Variants in SLC4A8 observed in about 807,000 individuals in gnomAD.
SLC4A8 encodes electroneutral sodium bicarbonate exchanger 1.
SLC4A8 carries 40 observed loss-of-function variants against 125.0 expected under a neutral mutation model. The observed-to-expected ratio is 0.32, with a 90% CI of 0.25 to 0.42. SLC4A8 has a LOEUF of 0.42. Among genes scored for constraint, SLC4A8 ranks in the 10% least tolerant of loss-of-function variants. SLC4A8 has a pLI of 1.00. For missense variants in SLC4A8, 863 were observed against 1,355.1 expected, an observed-to-expected ratio of 0.64 and a Z score of 5.70; for synonymous variants, 456 against 476.0, an observed-to-expected ratio of 0.96 and a Z score of 0.55.
chr12:51,471,692 A>G (rs1318758793), intron 14 of SLC4A8, 160 bp downstream of exon 14: 2 of 725,186 alleles, frequency 2.8e-6, no homozygotes, highest in Non-Finnish European at 4.5e-6. Flanking sequence ...GAGGGCTGCC[A>G]GAGGAGAACA....
intron 11 of SLC4A8, among the ~76,000 whole-genome samples, chr12:51,468,076 T>C (rs1418443187): frequency 6.6e-6 from 1 of 152,220 alleles, no homozygotes; most frequent in Non-Finnish European, 1.5e-5. Context: ...TTCTATGCCA[T>C]TTATTGGTAG....
intron 22 of SLC4A8, chr12:51,501,718 T>C (rs1032630602): frequency 6.6e-6 from 1 of 152,252 alleles, no homozygotes. Flanking sequence ...TTTAGTTCTT[T>C]GAGAAATCTC....
intron 20 of SLC4A8, chr12:51,494,413 C>CTTTTTTTT (rs11363276): frequency 2.3e-5 from 3 of 132,954 alleles, no homozygotes; most frequent in South Asian, 2.4e-4. Flanking sequence ...TCTTTTTTTT[C>CTTTTTTTT]TTTTTTTTTT....
chr12:51,494,909 C>A, intron 20 of SLC4A8, 36 bp from the exon 21 acceptor site: 1 of 1,591,186 alleles, frequency 6.3e-7, no homozygotes, highest in Non-Finnish European at 8.6e-7. Context: ...ACCCAGAATG[C>A]CCTCCTGAAA....
intron 1 of SLC4A8, among the ~76,000 whole-genome samples, chr12:51,440,367 A>G (rs772126264): frequency 6.6e-6 from 1 of 150,602 alleles, no homozygotes; most frequent in Non-Finnish European, 1.5e-5. Context: ...GTGAGCTATG[A>G]TTGTATCACT....
Position 51,457,557 on chromosome 12 carries a change from T to C in SLC4A8, c.763+18T>C. ...TAAACATGGTAAGATTATTAGGTGA[T>C]TTTTCTCTCTTTATTAATAAGACAT... On this transcript the variant is annotated intron_variant, in intron 6 of 24. Coordinates refer to ENST00000453097, the MANE Select transcript of SLC4A8 (RefSeq NM_001039960.3). 6.3e-7 allele frequency: 1 copy of C among 1,598,964 alleles called. No homozygotes were observed. The highest frequency in any genetic ancestry group is 2.2e-5 in the East Asian group (1 of 44,730).
chr12:51,391,608 G>T (rs1948111667), intron 1 of SLC4A8: 1 of 140,904 alleles, frequency 7.1e-6, no homozygotes, highest in Non-Finnish European at 1.6e-5. Flanking sequence ...TACCTGTCGC[G>T]CCGAGGCAAA....
At chr12:51,396,631 G>A (rs549608101) in intron 1 of SLC4A8, among the ~76,000 whole-genome samples, 60 of 151,120 alleles carry the variant, frequency 4.0e-4, no homozygotes, top group African/African-American at 1.4e-3. Flanking sequence ...TCACTTGAGC[G>A]CAGGAGTTTA....
chr12:51,480,391 T>G, intron 16 of SLC4A8: 1 of 1,139,166 alleles, frequency 8.8e-7, no homozygotes, highest in Non-Finnish European at 1.1e-6. Flanking sequence ...TACACATGTG[T>G]GCAGGCAATA....
At chr12:51,402,004 G>A (rs1948403178) in intron 1 of SLC4A8, among the ~76,000 whole-genome samples, 1 of 152,102 alleles carries the variant, frequency 6.6e-6, no homozygotes. Context: ...CTGAGCTTAA[G>A]TGATCCTCCT....
intron 16 of SLC4A8, among the ~76,000 whole-genome samples, chr12:51,479,428 T>C (rs968336526): frequency 6.6e-6 from 1 of 152,172 alleles, no homozygotes; most frequent in Non-Finnish European, 1.5e-5. Flanking sequence ...GGCTCATGGC[T>C]ATAATCCCAG....
chr12:51,419,831 G>A (rs566191182), upstream of SLC4A8, among the ~76,000 whole-genome samples: 10 of 152,334 alleles, frequency 6.6e-5, no homozygotes, highest in African/African-American at 2.2e-4. Flanking sequence ...ACTGAGTGTG[G>A]TGTAACGAAG....
chr12:51,451,398 C>T (rs781569871), intron 3 of SLC4A8, among the ~76,000 whole-genome samples: 37 of 152,090 alleles, frequency 2.4e-4, no homozygotes, highest in African/African-American at 7.2e-4. Flanking sequence ...CGTGAGCCAC[C>T]GCACCCGGCC....
At chr12:51,482,642 A>C (rs566046952) in intron 16 of SLC4A8, among the ~76,000 whole-genome samples, 36 of 152,274 alleles carry the variant, frequency 2.4e-4, no homozygotes, top group African/African-American at 8.4e-4. Flanking sequence ...AGCCTCCCAA[A>C]GTGCTGGGAT....
chr12:51,455,024 G>T (rs1219639346), intron 5 of SLC4A8, among the ~76,000 whole-genome samples: 2 of 109,040 alleles, frequency 1.8e-5, no homozygotes, highest in Non-Finnish European at 3.7e-5. Context: ...GGAGCATGCT[G>T]CCTTCAAGCA....
At chr12:51,413,923 C>A (rs1948638289) in intron 1 of SLC4A8, among the ~76,000 whole-genome samples, 2 of 152,120 alleles carry the variant, frequency 1.3e-5, no homozygotes, top group South Asian at 2.1e-4. Flanking sequence ...TGGTTTCAGA[C>A]AAATTTTACG....
chr12:51,465,759 C>T (rs1369110480), intron 11 of SLC4A8, among the ~76,000 whole-genome samples: 1 of 152,132 alleles, frequency 6.6e-6, no homozygotes, highest in Non-Finnish European at 1.5e-5. Flanking sequence ...CCATTGTAGC[C>T]CCTTAGGCAA....
intron 1 of SLC4A8, among the ~76,000 whole-genome samples, chr12:51,436,226 CACA>C (rs1159544360): frequency 6.6e-6 from 1 of 152,188 alleles, no homozygotes; most frequent in Non-Finnish European, 1.5e-5. Flanking sequence ...TCTCACAACA[CACA>C]ACAAGCCTCA....
In SLC4A8 at chr12:51,408,939, C is replaced by T. The variant is rs1262832134; in HGVS notation, c.-112+17451C>T. The stretch of plus-strand genomic sequence containing the variant: ...TTCAGAGTTATTCTGGATATTTTTG[C>T]TTGCCCATTAATTAAAAAAACCCTG... On this transcript the variant is annotated intron_variant, in intron 1 of 24. Transcript: ENST00000358657. Among the ~76,000 whole-genome samples, 4 of 152,040 alleles carry T rather than the reference C, an allele frequency of 2.6e-5. No individual in the cohort carries two copies. In the East Asian group the frequency reaches 7.7e-4, roughly 29 times the overall value.
Sources: allele counts gnomAD v4.1 joint callset (sites outside exome capture counted in the v4.1 genomes callset), GRCh38; gene constraint gnomAD v4.1.1; transcripts MANE v1.5; gene names NCBI Gene and HGNC (gene_info 2026-07-23, HGNC 2026-07-21).